The following FAM200B variants were observed in gnomAD, a reference collection of about 807,000 sequenced individuals.
The protein encoded by FAM200B is protein FAM200B.
In FAM200B, 32 loss-of-function variants were observed where a neutral mutation model predicts 33.1. The ratio of observed to expected loss-of-function variants is 0.97; its 90% CI spans 0.73 to 1.30. FAM200B has a LOEUF of 1.30. Among genes scored for constraint, FAM200B ranks in the 50% most tolerant of loss-of-function variants. The probability of loss-of-function intolerance (pLI) is 0.00; values close to 1 mark genes in which losing one functional copy is unlikely to be tolerated. For synonymous variants in FAM200B, 240 were observed against 264.8 expected (o/e 0.91, Z 0.91); for missense variants, 741 against 754.0 (o/e 0.98, Z 0.20).
chr4:15,637,262 G>C, the FAM200B span, among the ~76,000 whole-genome samples: 1 of 152,156 alleles, frequency 6.6e-6, no homozygotes, highest in Non-Finnish European at 1.5e-5. Flanking sequence ...ACAAAATGTA[G>C]ATATTTCTGA....
chr4:15,639,591 C>A, the FAM200B span, among the ~76,000 whole-genome samples: 2 of 152,284 alleles, frequency 1.3e-5, no homozygotes, highest in Middle Eastern at 3.4e-3. Flanking sequence ...AGGTTGGAAA[C>A]AAGGCTTTTT....
chr4:15,640,718 G>A, the FAM200B span: 31 of 774,214 alleles, frequency 4.0e-5, no homozygotes, highest in Non-Finnish European at 4.5e-5. Context: ...TTATTTTGAA[G>A]AGTCTCTAAA....
chr4:15,655,397 G>A, the FAM200B span: 10 of 1,031,500 alleles, frequency 9.7e-6, no homozygotes, highest in African/African-American at 1.8e-5. Flanking sequence ...CCGCCCCGTC[G>A]GCGCGCGCGC....
rs537461609 is a variant in FAM200B, at chr4:15,688,352, C to A, written c.1375C>A (p.Arg459Ser). The change falls in exon 2 of 2, where the codon CGT becomes AGT. Residue 459 changes from arginine (R) to serine (S), a missense_variant. By Grantham distance (110) the Arg-to-Ser change is moderately radical. Coordinates refer to ENST00000422728, the MANE Select transcript of FAM200B (RefSeq NM_001145191.2). ...CAGTGATGTATTCCAACATGTTGAA[C>A]GTATCCAGGGATTTCGAAAGACATT... ...KNSDVFQHVE[R>S]IQGFRKTLLL... 1 of 1,549,678 alleles carries A rather than the reference C, an allele frequency of 6.5e-7. No individual in the cohort carries two copies. Among genetic ancestry groups the A allele is most frequent in the Non-Finnish European group, 8.7e-7 (1 of 1,145,330 alleles).
At chr4:15,663,363 CTA>C in the FAM200B span, among the ~76,000 whole-genome samples, 2 of 152,244 alleles carry the variant, frequency 1.3e-5, no homozygotes, top group Non-Finnish European at 2.9e-5. Context: ...ATAATAGACT[CTA>C]GTCTCAGTAT....
At chr4:15,686,081 A>G (rs945658537) in intron 1 of FAM200B, among the ~76,000 whole-genome samples, 155 bp from the exon 2 acceptor site, 8 of 152,200 alleles carry the variant, frequency 5.3e-5, no homozygotes, top group African/African-American at 1.7e-4. Context: ...CCTTACAGAA[A>G]TAGGCCTAAG....
At chr4:15,638,766 A>G in the FAM200B span, 2 of 957,258 alleles carry the variant, frequency 2.1e-6, no homozygotes, top group African/African-American at 3.7e-5. Context: ...CTTTTAAATT[A>G]TTAATGGCTC....
At chr4:15,671,493 A>T in the FAM200B span, among the ~76,000 whole-genome samples, 1 of 151,934 alleles carries the variant, frequency 6.6e-6, no homozygotes, top group African/African-American at 2.4e-5. Flanking sequence ...GGCTGGTCTC[A>T]AACACCTGGC....
chr4:15,638,666 A>G, the FAM200B span: 1 of 1,600,598 alleles, frequency 6.2e-7, no homozygotes, highest in Non-Finnish European at 8.5e-7. Context: ...TTCATAGGTA[A>G]AATATTCCAT....
the FAM200B span, among the ~76,000 whole-genome samples, chr4:15,639,115 T>C: frequency 6.6e-6 from 1 of 152,148 alleles, no homozygotes; most frequent in Admixed American, 6.5e-5. Context: ...GGCGAGCCGA[T>C]ATTGCGCCAT....
At chr4:15,676,842 C>G (rs1718012469), upstream of FAM200B, among the ~76,000 whole-genome samples, 2 of 151,900 alleles carry the variant, frequency 1.3e-5, no homozygotes, top group South Asian at 4.2e-4. Context: ...TACATGTTAC[C>G]TAATATATCA....
At chr4:15,661,871 G>C in the FAM200B span, among the ~76,000 whole-genome samples, 33,812 of 152,124 alleles carry the variant, frequency 0.22, 4,090 homozygotes, top group Admixed American at 0.28. Context: ...TGAAGGATCT[G>C]CTTTCAGGTT....
At chr4:15,643,325 G>A in the FAM200B span, among the ~76,000 whole-genome samples, 1 of 152,202 alleles carries the variant, frequency 6.6e-6, no homozygotes, top group Non-Finnish European at 1.5e-5. Flanking sequence ...TCCAGGTGAG[G>A]AGCACATGGT....
the FAM200B span, among the ~76,000 whole-genome samples, chr4:15,653,318 T>C: frequency 1.3e-5 from 2 of 152,282 alleles, no homozygotes; most frequent in African/African-American, 4.8e-5. Context: ...AGATATCTTG[T>C]AAAAAAGCAA....
At chr4:15,683,709 T>C (rs958291379) in intron 1 of FAM200B, among the ~76,000 whole-genome samples, 2 of 152,244 alleles carry the variant, frequency 1.3e-5, no homozygotes, top group African/African-American at 4.8e-5. Flanking sequence ...CAGTTTATTA[T>C]GAAGTAGAAT....
At chr4:15,670,170 C>A in the FAM200B span, among the ~76,000 whole-genome samples, 1 of 152,194 alleles carries the variant, frequency 6.6e-6, no homozygotes, top group Non-Finnish European at 1.5e-5. Flanking sequence ...AGTTTATTCA[C>A]CTGATAGGCA....
chr4:15,655,035 G>A, the FAM200B span, among the ~76,000 whole-genome samples: 1 of 150,936 alleles, frequency 6.6e-6, no homozygotes, highest in African/African-American at 2.4e-5. Flanking sequence ...GCCTCGCAGC[G>A]GGCGGGCAGG....
chr4:15,668,272 G>C, the FAM200B span, among the ~76,000 whole-genome samples: 3 of 150,492 alleles, frequency 2.0e-5, no homozygotes, highest in Non-Finnish European at 4.4e-5. Flanking sequence ...TTTATAACTT[G>C]TAACATTTTA....
the FAM200B span, among the ~76,000 whole-genome samples, chr4:15,643,689 G>A: frequency 2.6e-5 from 4 of 152,300 alleles, no homozygotes; most frequent in Admixed American, 6.5e-5. Context: ...CTACAGATGT[G>A]AGCCACTGCA....
Sources: gnomAD v4.1 joint callset for allele counts (sites outside exome capture counted in the v4.1 genomes callset) on GRCh38, gnomAD v4.1.1 for gene constraint, MANE v1.5 for transcripts, NCBI Gene and HGNC (gene_info 2026-07-23, HGNC 2026-07-21) for gene names.